LRGUK: variants seen among roughly 807,000 people sequenced by gnomAD.
LRGUK encodes leucine rich repeats and guanylate kinase domain containing.
LRGUK carries 65 observed loss-of-function variants against 76.0 expected under a neutral mutation model. The observed-to-expected ratio is 0.85, with a 90% CI of 0.70 to 1.05. The LOEUF is 1.05. LRGUK is among the 50% of genes least tolerant of loss of function. The probability of loss-of-function intolerance (pLI) is 0.00; values close to 1 mark genes in which losing one functional copy is unlikely to be tolerated. For synonymous variants in LRGUK, 268 were observed against 265.6 expected, an observed-to-expected ratio of 1.01 and a Z score of -0.09; for missense variants, 758 against 732.8, an observed-to-expected ratio of 1.03 and a Z score of -0.40.
At chr7:134,152,921 G>A (rs968296113) in intron 5 of LRGUK, among the ~76,000 whole-genome samples, 1 of 150,082 alleles carries the variant, frequency 6.7e-6, no homozygotes, top group African/African-American at 2.5e-5. Context: ...CTACATGCAT[G>A]TAAATATAAT....
intron 11 of LRGUK, among the ~76,000 whole-genome samples, chr7:134,187,901 C>G (rs113629978): frequency 9.5e-4 from 145 of 152,280 alleles, no homozygotes; most frequent in Middle Eastern, 3.4e-3. Flanking sequence ...ATGATGTTGA[C>G]TACTAAACAT....
chr7:134,170,753 T>C (rs2116965677), intron 7 of LRGUK, among the ~76,000 whole-genome samples: 2 of 152,312 alleles, frequency 1.3e-5, no homozygotes, highest in South Asian at 4.1e-4. Flanking sequence ...AGCTATCATT[T>C]ATTGAGAACT....
chr7:134,153,325 C>A (rs1266375704), intron 5 of LRGUK, among the ~76,000 whole-genome samples: 1 of 151,900 alleles, frequency 6.6e-6, no homozygotes, highest in African/African-American at 2.4e-5. Context: ...TTTTGTTATG[C>A]TATTTTGTCT....
intron 17 of LRGUK, among the ~76,000 whole-genome samples, chr7:134,248,526 G>A (rs1802367357): frequency 6.6e-6 from 1 of 152,180 alleles, no homozygotes; most frequent in South Asian, 2.1e-4. Context: ...CTAGAGTTTA[G>A]TTGAACGTAT....
At chr7:134,208,216 A>G (rs1357026822) in intron 15 of LRGUK, among the ~76,000 whole-genome samples, 2 of 152,134 alleles carry the variant, frequency 1.3e-5, no homozygotes, top group Non-Finnish European at 2.9e-5. Context: ...TTTGCCAGGT[A>G]TTGGTGAACA....
chr7:134,139,577 A>G, intron 3 of LRGUK, 60 bp downstream of exon 3: 5 of 1,069,624 alleles, frequency 4.7e-6, no homozygotes, highest in Non-Finnish European at 7.1e-6. Context: ...ACGTTGCAGT[A>G]TGTAATATGG....
chr7:134,199,982 TTATATA>T (rs71172442), intron 14 of LRGUK, among the ~76,000 whole-genome samples: 2,606 of 38,386 alleles, frequency 0.068, 103 homozygotes, highest in Admixed American at 0.1. Context: ...CTAGAAACTT[TTATATA>T]TATATATATA....
At chr7:134,177,918 A>G (rs1799549943) in intron 9 of LRGUK, among the ~76,000 whole-genome samples, 1 of 152,206 alleles carries the variant, frequency 6.6e-6, no homozygotes. Flanking sequence ...GATGAGGATA[A>G]TGTATTTAGA....
chr7:134,215,432 TC>T (rs945757273), intron 15 of LRGUK, among the ~76,000 whole-genome samples: 1 of 152,162 alleles, frequency 6.6e-6, no homozygotes, highest in South Asian at 2.1e-4. Context: ...TTACCAGACT[TC>T]CCCCCAGCTC....
chr7:134,222,584 G>C (rs1300979081), intron 16 of LRGUK, among the ~76,000 whole-genome samples: 1 of 151,550 alleles, frequency 6.6e-6, no homozygotes, highest in African/African-American at 2.4e-5. Flanking sequence ...AGGCTAGCCT[G>C]TTTTTGTTTG....
chr7:134,178,554 G>C (rs766666624), exon 10 of LRGUK: 3 of 1,613,180 alleles, frequency 1.9e-6, no homozygotes, highest in Non-Finnish European at 2.5e-6. Flanking sequence ...TGCAGCTCAA[G>C]ACCACCTGAC....
intron 8 of LRGUK, among the ~76,000 whole-genome samples, chr7:134,176,590 C>G (rs932198355): frequency 1.3e-5 from 2 of 152,066 alleles, no homozygotes; most frequent in African/African-American, 4.8e-5. Flanking sequence ...CCATGTTAGC[C>G]AGGATGTTCT....
At chr7:134,264,248 AT>A (rs908409876) in exon 20 of LRGUK, 92 of 288,404 alleles carry the variant, frequency 3.2e-4, no homozygotes, top group Middle Eastern at 1.9e-3. Flanking sequence ...ATGTCATTTC[AT>A]TTTTTTTTCT....
At chr7:134,212,014 A>G (rs1409743741), downstream of LRGUK, among the ~76,000 whole-genome samples, 14 of 152,150 alleles carry the variant, frequency 9.2e-5, no homozygotes, top group African/African-American at 2.4e-5. Flanking sequence ...TCTTTGGACT[A>G]CAGATGACTC....
Position 134,156,062 on chromosome 7 carries a change from A to G in LRGUK, c.671-1973A>G, listed in dbSNP as rs181417975. On this transcript the variant is annotated intron_variant, in intron 5 of 15. Coordinates refer to ENST00000645682, the Ensembl canonical transcript of LRGUK. ...AAATTGCCTCTAAAGTGGCTATATCATAATGAACTCTCTCAGTAGTATAAA... is the reference window on the plus strand; with the variant it reads ...AAATTGCCTCTAAAGTGGCTATATCGTAATGAACTCTCTCAGTAGTATAAA... Among the ~76,000 whole-genome samples, 8 of 152,354 alleles carry G rather than the reference A, an allele frequency of 5.3e-5. No individual in the cohort carries two copies. The East Asian group carries it at 1.5e-3, about 29-fold the overall frequency.
chr7:134,205,607 T>A (rs1800971315), intron 15 of LRGUK, among the ~76,000 whole-genome samples: 1 of 152,184 alleles, frequency 6.6e-6, no homozygotes, highest in African/African-American at 2.4e-5. Context: ...AAGGAAGAAA[T>A]TGAAATAAAA....
rs549079724 is a variant in LRGUK at position 134,142,767 on chromosome 7, G to A, written c.488-295G>A. On this transcript the variant is annotated intron_variant, in intron 3 of 15. Coordinates refer to ENST00000645682, the Ensembl canonical transcript of LRGUK. ...TTTCATTGTTAGTGGCAGAGTGAGCGGGCATGCGGAAGAGGCCGCAGGGAT... is the reference window on the plus strand; with the variant it reads ...TTTCATTGTTAGTGGCAGAGTGAGCAGGCATGCGGAAGAGGCCGCAGGGAT... Among the ~76,000 whole-genome samples the A allele has an allele frequency of 2.2e-4, 34 of 152,220 alleles. 1 individual carries two copies. Among genetic ancestry groups the A allele is most frequent in the East Asian group, 9.7e-4 (5 of 5,178 alleles).
At chr7:134,160,286 A>G (rs1798668855) in intron 6 of LRGUK, among the ~76,000 whole-genome samples, 2 of 152,174 alleles carry the variant, frequency 1.3e-5, no homozygotes, top group Admixed American at 1.3e-4. Context: ...GTTCTGTCTC[A>G]AGTAGCTTTT....
At chr7:134,229,363 A>AC (rs1269823425) in intron 16 of LRGUK, among the ~76,000 whole-genome samples, 28 of 140,500 alleles carry the variant, frequency 2.0e-4, no homozygotes, top group Non-Finnish European at 3.1e-4. Context: ...ACTCCATCTC[A>AC]AAAAAAAAAA....
Sources: allele counts gnomAD v4.1 joint callset (sites outside exome capture counted in the v4.1 genomes callset), GRCh38; gene constraint gnomAD v4.1.1; transcripts MANE v1.5; gene names NCBI Gene and HGNC (gene_info 2026-07-23, HGNC 2026-07-21).